Variants in SLC25A13 observed in about 807,000 individuals in gnomAD.
SLC25A13 encodes electrogenic aspartate/glutamate antiporter SLC25A13, mitochondrial.
In SLC25A13, 70 loss-of-function variants were observed where a neutral mutation model predicts 85.5. The observed-to-expected ratio is 0.82, with a 90% CI of 0.68 to 1.00. SLC25A13 has a LOEUF of 1.00. Ranked by LOEUF, SLC25A13 falls within the 50% of genes least tolerant of loss-of-function variation. The probability of loss-of-function intolerance (pLI) is 0.00; values close to 1 mark genes in which losing one functional copy is unlikely to be tolerated. For missense variants in SLC25A13, 765 were observed against 819.8 expected (o/e 0.93, Z 0.82); for synonymous variants, 259 against 288.7 (o/e 0.90, Z 1.04).
intron 6 of SLC25A13, 105 bp downstream of exon 6, chr7:96,192,932 T>C: frequency 4.8e-6 from 6 of 1,250,770 alleles, no homozygotes; most frequent in Non-Finnish European, 5.8e-6. Context: ...ATTAAAATGT[T>C]AGTGTTTGCA....
chr7:96,263,123 C>T (rs747150672), intron 3 of SLC25A13, among the ~76,000 whole-genome samples: 5 of 151,974 alleles, frequency 3.3e-5, no homozygotes, highest in African/African-American at 4.8e-5. Flanking sequence ...TCCAAGCTTC[C>T]TTGCCTCTCT....
chr7:96,173,731 C>T (rs985849380), intron 11 of SLC25A13, among the ~76,000 whole-genome samples: 1 of 152,168 alleles, frequency 6.6e-6, no homozygotes, highest in African/African-American at 2.4e-5. Flanking sequence ...TGCAGCCCTT[C>T]ACTAAGCAAC....
chr7:96,198,400 G>A (rs1200900518), intron 5 of SLC25A13, among the ~76,000 whole-genome samples: 3 of 152,204 alleles, frequency 2.0e-5, no homozygotes, highest in African/African-American at 7.2e-5. Context: ...ACTAGCCACA[G>A]GAACGGAAAA....
rs1182310321 is a variant in SLC25A13 at position 96,321,339 on chromosome 7, G to A, written c.15+603C>T. Among the ~76,000 whole-genome samples, 3 of 152,332 alleles carry A rather than the reference G, an allele frequency of 2.0e-5. No homozygotes were observed. The East Asian group carries it at 5.8e-4, about 29-fold the overall frequency. On this transcript the variant is annotated intron_variant, in intron 1 of 17. Transcript: ENST00000265631. ...GTATCTAAGTGTTGTCAGATGGAGA[G>A]AGGGAGGGGGAAGATGGGAATGATG...
intron 1 of SLC25A13, among the ~76,000 whole-genome samples, chr7:96,315,396 G>C (rs1274593955): frequency 6.6e-6 from 1 of 152,182 alleles, no homozygotes; most frequent in African/African-American, 2.4e-5. Context: ...GGAGACCCAG[G>C]CATCAGCAGT....
At chr7:96,301,680 G>A (rs1799553779) in intron 1 of SLC25A13, among the ~76,000 whole-genome samples, 2 of 151,448 alleles carry the variant, frequency 1.3e-5, no homozygotes. Flanking sequence ...TCAGGCTGGA[G>A]TGCAGTGGTG....
chr7:96,215,839 T>C (rs1048407989), intron 4 of SLC25A13, among the ~76,000 whole-genome samples: 3 of 152,122 alleles, frequency 2.0e-5, no homozygotes, highest in African/African-American at 7.2e-5. Flanking sequence ...TAAAACTTTA[T>C]ACTCCAAGGA....
At chr7:96,263,464 G>A (rs879400481) in intron 3 of SLC25A13, among the ~76,000 whole-genome samples, 3 of 152,094 alleles carry the variant, frequency 2.0e-5, no homozygotes, top group Non-Finnish European at 4.4e-5. Context: ...CCCCTCTTAC[G>A]TGTAGGGATG....
intron 11 of SLC25A13, among the ~76,000 whole-genome samples, chr7:96,182,002 T>C (rs1395075762): frequency 6.6e-6 from 1 of 152,210 alleles, no homozygotes; most frequent in Non-Finnish European, 1.5e-5. Flanking sequence ...GTCAGGTCTT[T>C]TTTACTTATA....
intron 11 of SLC25A13, among the ~76,000 whole-genome samples, chr7:96,174,512 C>T (rs1794140168): frequency 6.6e-6 from 1 of 152,210 alleles, no homozygotes; most frequent in Admixed American, 6.5e-5. Flanking sequence ...CCTGTTTAAA[C>T]TACCTCTTCA....
intron 3 of SLC25A13, among the ~76,000 whole-genome samples, chr7:96,271,081 C>T (rs1798222382): frequency 6.6e-6 from 1 of 152,188 alleles, no homozygotes; most frequent in African/African-American, 2.4e-5. Flanking sequence ...ATGACATCTG[C>T]AAAGACCCTT....
intron 1 of SLC25A13, among the ~76,000 whole-genome samples, chr7:96,298,166 T>G (rs903567177): frequency 6.6e-6 from 1 of 152,154 alleles, no homozygotes; most frequent in Non-Finnish European, 1.5e-5. Context: ...CAGGGAAACT[T>G]ATGCAAATTG....
At chr7:96,150,562 G>T (rs1459400410) in intron 13 of SLC25A13, among the ~76,000 whole-genome samples, 2 of 152,070 alleles carry the variant, frequency 1.3e-5, no homozygotes, top group Admixed American at 6.5e-5. Context: ...GTTGGAAACA[G>T]GGCCTTTAAA....
At chr7:96,282,148 TG>T (rs776755067) in intron 2 of SLC25A13, among the ~76,000 whole-genome samples, 3 of 152,126 alleles carry the variant, frequency 2.0e-5, no homozygotes, top group Admixed American at 6.5e-5. Flanking sequence ...ACCTGCAAAA[TG>T]GGAAGAGTTT....
At chr7:96,300,222 C>T (rs11981441) in intron 1 of SLC25A13, among the ~76,000 whole-genome samples, 3,040 of 151,984 alleles carry the variant, frequency 0.02, 97 homozygotes, top group African/African-American at 0.068. Context: ...TTAGCCTGGG[C>T]AACATAGTGA....
chr7:96,181,047 T>C (rs1274482596), intron 11 of SLC25A13, among the ~76,000 whole-genome samples: 2 of 151,964 alleles, frequency 1.3e-5, no homozygotes, highest in South Asian at 2.1e-4. Context: ...GGCCTGGGGG[T>C]TGGATTTTCA....
intron 4 of SLC25A13, among the ~76,000 whole-genome samples, chr7:96,214,920 T>C (rs200838767): frequency 6.6e-6 from 1 of 152,092 alleles, no homozygotes; most frequent in East Asian, 1.9e-4. Flanking sequence ...ATTAAAAGAC[T>C]TGATATTGTT....
chr7:96,281,024 T>C (rs1183350176), intron 2 of SLC25A13, among the ~76,000 whole-genome samples: 2 of 152,148 alleles, frequency 1.3e-5, no homozygotes, highest in Non-Finnish European at 2.9e-5. Flanking sequence ...ATAACACAAA[T>C]GTCAACCAAT....
intron 13 of SLC25A13, among the ~76,000 whole-genome samples, chr7:96,150,941 C>T (rs1793016484): frequency 6.6e-6 from 1 of 151,904 alleles, no homozygotes; most frequent in African/African-American, 2.4e-5. Flanking sequence ...CTCATAAATA[C>T]AGAAAATGGG....
Sources: allele counts gnomAD v4.1 joint callset (sites outside exome capture counted in the v4.1 genomes callset), GRCh38; gene constraint gnomAD v4.1.1; transcripts MANE v1.5; gene names NCBI Gene and HGNC (gene_info 2026-07-23, HGNC 2026-07-21).